Variants in DIP2B observed in about 807,000 individuals in gnomAD.
DIP2B encodes DIP2 acetate--CoA ligase B (putative), also known as disco-interacting protein 2 homolog B.
A neutral mutation model predicts 198.0 loss-of-function variants in DIP2B; 76 were observed. The ratio of observed to expected loss-of-function variants is 0.38; its 90% CI spans 0.32 to 0.46. The LOEUF is 0.46. Ranked by LOEUF, DIP2B falls within the 20% of genes least tolerant of loss-of-function variation. The probability of loss-of-function intolerance (pLI) is 0.99; values close to 1 mark genes in which losing one functional copy is unlikely to be tolerated. For missense variants in DIP2B, 1,559 were observed against 1,978.4 expected (o/e 0.79, Z 4.02); for synonymous variants, 701 against 739.1 (o/e 0.95, Z 0.84).
At chr12:50,519,825 G>A (rs1450405125) in intron 1 of DIP2B, among the ~76,000 whole-genome samples, 2 of 149,850 alleles carry the variant, frequency 1.3e-5, no homozygotes, top group Non-Finnish European at 3.0e-5. Context: ...TTTTTGTGGT[G>A]AAGAAATAGT....
rs868112698 is a variant in DIP2B, at chr12:50,708,501, C to T, written c.2588C>T (p.Ala863Val). ...TATGATGAGCGCATTGTGGTGGTTG[C>T]GGAACAAAGACCTGATGCTTCTGAG... is the stretch of plus-strand genomic sequence containing the variant. ...VFYDERIVVV[A>V]EQRPDASEED... The change falls in exon 22 of 38, where the codon GCG becomes GTG. Residue 863 changes from alanine to valine, a missense_variant. By Grantham distance (64) the Ala-to-Val change is moderately conservative. Transcript: ENST00000301180. 1.1e-5 allele frequency: 18 copies of T among 1,607,892 alleles called. No homozygotes were observed. Among genetic ancestry groups the T allele is most frequent in the Admixed American group, 1.7e-5 (1 of 59,148 alleles).
At chr12:50,538,196 G>A (rs902806228) in intron 1 of DIP2B, among the ~76,000 whole-genome samples, 11 of 152,096 alleles carry the variant, frequency 7.2e-5, no homozygotes, top group African/African-American at 2.4e-4. Flanking sequence ...GGAGGGCAGG[G>A]CTGCTGTTCT....
intron 2 of DIP2B, among the ~76,000 whole-genome samples, chr12:50,632,788 TCTC>T (rs1264985580): frequency 2.6e-5 from 4 of 151,852 alleles, no homozygotes; most frequent in African/African-American, 4.8e-5. Context: ...CCGCCTCCCT[TCTC>T]CTCCCGAAGT....
At position 50,741,418 on chromosome 12, in the gene DIP2B, C is replaced by T. The variant is rs769646567; in HGVS notation, c.4357C>T (p.Arg1453Cys). ...TTCTCTCTTTTTCTTTCTGTCAGAG[C>T]GTCATGATGCATTGTATGTGGTGGG... Reference protein sequence around the residue: ...RTELTAATGERHDALYVVGAL... With the variant: ...RTELTAATGECHDALYVVGAL... The change falls in exon 37 of 38, where the codon CGT becomes TGT. Residue 1453 changes from arginine (R) to cysteine (C), a missense_variant and splice_region_variant. By Grantham distance (180) the Arg-to-Cys change is radical. Coordinates refer to ENST00000301180, the MANE Select transcript of DIP2B (RefSeq NM_173602.3). The T allele has an allele frequency of 3.1e-6, 5 of 1,613,568 alleles. No homozygotes were observed. Among genetic ancestry groups the T allele is most frequent in the South Asian group, 2.2e-5 (2 of 91,052 alleles).
At chr12:50,638,868 T>TTCC (rs1187506417) in intron 2 of DIP2B, among the ~76,000 whole-genome samples, 2 of 151,654 alleles carry the variant, frequency 1.3e-5, no homozygotes, top group Non-Finnish European at 2.9e-5. Flanking sequence ...TTTCAGATTT[T>TTCC]TTTTTTTTGG....
intron 1 of DIP2B, among the ~76,000 whole-genome samples, chr12:50,539,834 T>C (rs2139373045): frequency 6.6e-6 from 1 of 152,100 alleles, no homozygotes; most frequent in Admixed American, 6.5e-5. Flanking sequence ...CTAAATAATA[T>C]ATTATTTAGT....
chr12:50,716,832 A>G (rs1355233606), intron 23 of DIP2B, among the ~76,000 whole-genome samples: 1 of 152,078 alleles, frequency 6.6e-6, no homozygotes, highest in Non-Finnish European at 1.5e-5. Context: ...AGAGCAACCT[A>G]GCACTTTTTT....
Position 50,697,085 on chromosome 12 carries a change from T to C in DIP2B, c.1958T>C (p.Phe653Ser). The change falls in exon 17 of 38, where the codon TTC becomes TCC. Residue 653 changes from phenylalanine to serine, a missense_variant. Phe to Ser is a radical substitution (Grantham distance 155). Transcript: ENST00000301180. ...GGGTCCGTGTCATCCTGTGATGCCT[T>C]CCTGAGTCTGTTCCAAAGTCATGGA... ...NPWSVSSCDA[F>S]LSLFQSHGLK... 3.7e-6 allele frequency: 6 copies of C among 1,614,134 alleles called. No individual in the cohort carries two copies. The highest frequency in any genetic ancestry group is 4.2e-6 in the Non-Finnish European group (5 of 1,179,984).
intron 10 of DIP2B, among the ~76,000 whole-genome samples, chr12:50,684,269 A>G (rs1012406785): frequency 6.6e-6 from 1 of 152,192 alleles, no homozygotes; most frequent in Non-Finnish European, 1.5e-5. Context: ...GTATCATATG[A>G]CCTAGGATTT....
intron 1 of DIP2B, among the ~76,000 whole-genome samples, chr12:50,508,368 T>G (rs1453147029): frequency 6.6e-6 from 1 of 152,240 alleles, no homozygotes; most frequent in African/African-American, 2.4e-5. Flanking sequence ...TATGGTCTAG[T>G]CAAGTGTATG....
chr12:50,577,427 G>A (rs1437044550), intron 1 of DIP2B, among the ~76,000 whole-genome samples: 1 of 152,066 alleles, frequency 6.6e-6, no homozygotes, highest in East Asian at 1.9e-4. Flanking sequence ...CCAGCCACTC[G>A]GGAAGCTGAG....
At position 50,690,636 on chromosome 12, in the gene DIP2B, G is replaced by A. The variant is rs995505227; in HGVS notation, c.1552-413G>A. On this transcript the variant is annotated intron_variant, in intron 12 of 37. Coordinates refer to ENST00000301180, the MANE Select transcript of DIP2B (RefSeq NM_173602.3). ...ATTTGGAGGAGCAAATAGGCCATTC[G>A]TTTCTAGTTCTTCCTTACAAAATTG... Among the ~76,000 whole-genome samples the A allele has an allele frequency of 5.3e-5, 8 of 152,204 alleles. No individual in the cohort carries two copies. The East Asian group carries it at 7.7e-4, about 15-fold the overall frequency.
rs11327858 is a variant in DIP2B at position 50,630,663 on chromosome 12, C to CTTT, written c.172+4639_172+4641dup. Among the ~76,000 whole-genome samples the CTTT allele has an allele frequency of 1.9e-3, 141 of 74,566 alleles. 3 individuals carry two copies. Among genetic ancestry groups the CTTT allele is most frequent in the African/African-American group, 4.8e-3 (98 of 20,212 alleles). The allele number at this position is 74,566 out of a possible 152,430, so 48.9% of individuals were successfully genotyped here. ...TTGATCACCACGAATTCTTTCTTTT[C>CTTT]TTTTTTTTTTTTTTTTTTTTTTTTT... On this transcript the variant is annotated intron_variant, in intron 2 of 37. Transcript: ENST00000301180.
At chr12:50,554,943 AT>A (rs1958457329) in intron 1 of DIP2B, among the ~76,000 whole-genome samples, 2 of 151,592 alleles carry the variant, frequency 1.3e-5, no homozygotes, top group Admixed American at 1.3e-4. Flanking sequence ...AATTTTTTGT[AT>A]TTTAGTAGAG....
intron 34 of DIP2B, 110 bp from the exon 35 acceptor site, chr12:50,736,926 C>A: frequency 1.0e-6 from 1 of 995,512 alleles, no homozygotes; most frequent in Non-Finnish European, 1.6e-6. Context: ...CTACAGCTGG[C>A]TCGCCATGTG....
At chr12:50,683,334 A>G in intron 10 of DIP2B, 86 bp downstream of exon 10, 1 of 1,104,126 alleles carries the variant, frequency 9.1e-7, no homozygotes, top group South Asian at 1.5e-5. Flanking sequence ...ACAACAGTAA[A>G]AACTGTTCGA....
Position 50,714,914 on chromosome 12 carries a change from G to A in DIP2B, c.2851+318G>A, listed in dbSNP as rs115394335. On this transcript the variant is annotated intron_variant, in intron 23 of 37. Transcript: ENST00000301180. ...TGCGCCATTGCACTCTAATCTGGGCGACAGAACCAGACCCTGTCTCAACAA... is the reference window on the plus strand; with the variant it reads ...TGCGCCATTGCACTCTAATCTGGGCAACAGAACCAGACCCTGTCTCAACAA... Among the ~76,000 whole-genome samples, 1,015 of 152,286 alleles carry A rather than the reference G, an allele frequency of 6.7e-3. 11 individuals carry two copies. The highest frequency in any genetic ancestry group is 0.022 in the African/African-American group (928 of 41,552).
At position 50,744,659 on chromosome 12, in the gene DIP2B, T is replaced by G. The variant is rs1182302717; in HGVS notation, c.4551T>G (p.Asp1517Glu). ...GCGGCTCTGAACAGGAAGCCCTAGA[T>G]CTGGTCCCATTAGTGACCAACGTGG... ...ELCGSEQEAL[D>E]LVPLVTNVVL... Residue 1517 changes from aspartate (D) to glutamate (E), a missense_variant, in exon 38 of 38, where the codon GAT becomes GAG. Asp to Glu is a conservative substitution (Grantham distance 45). Transcript: ENST00000301180. The G allele has an allele frequency of 6.2e-7, 1 of 1,614,106 alleles. No individual in the cohort carries two copies. The highest frequency in any genetic ancestry group is 8.5e-7 in the Non-Finnish European group (1 of 1,180,050).
intron 3 of DIP2B, among the ~76,000 whole-genome samples, chr12:50,642,426 T>G (rs956148224): frequency 2.6e-5 from 4 of 152,202 alleles, no homozygotes; most frequent in South Asian, 2.1e-4. Context: ...TAGACTGCAG[T>G]GCCTGGCACA....
Sources: allele counts gnomAD v4.1 joint callset (sites outside exome capture counted in the v4.1 genomes callset), GRCh38; gene constraint gnomAD v4.1.1; transcripts MANE v1.5; gene names NCBI Gene and HGNC (gene_info 2026-07-23, HGNC 2026-07-21).